FRMD6: variants seen among roughly 807,000 people sequenced by gnomAD.
FRMD6 encodes FERM domain containing 6.
A neutral mutation model predicts 73.2 loss-of-function variants in FRMD6; 37 were observed. The observed-to-expected ratio is 0.51, with a 90% CI of 0.39 to 0.66. The LOEUF (loss-of-function observed/expected upper bound fraction) is 0.66, where lower values mean the gene tolerates loss of function less well. Among genes scored for constraint, FRMD6 ranks in the 30% least tolerant of loss-of-function variants. FRMD6 has a pLI of 0.00. For synonymous variants in FRMD6, 273 were observed against 282.2 expected (o/e 0.97, Z 0.33); for missense variants, 714 against 780.5 (o/e 0.91, Z 1.02).
At chr14:51,456,572 G>C in the FRMD6 span, among the ~76,000 whole-genome samples, 6 of 152,024 alleles carry the variant, frequency 3.9e-5, no homozygotes, top group African/African-American at 1.4e-4. Flanking sequence ...TTTCTCTAAT[G>C]ACCAGTGATG....
chr14:51,639,367 G>A (rs1174702390), intron 2 of FRMD6, among the ~76,000 whole-genome samples: 1 of 151,806 alleles, frequency 6.6e-6, no homozygotes, highest in East Asian at 1.9e-4. Flanking sequence ...CCCGGTAGGC[G>A]GAGCTTGCAG....
chr14:51,661,320 C>T (rs1468909090), intron 1 of FRMD6, among the ~76,000 whole-genome samples: 1 of 151,956 alleles, frequency 6.6e-6, no homozygotes, highest in Admixed American at 6.6e-5. Context: ...ACACATAATC[C>T]AAGAAGTGTT....
At chr14:51,468,163 C>T in the FRMD6 span, among the ~76,000 whole-genome samples, 12 of 152,126 alleles carry the variant, frequency 7.9e-5, no homozygotes, top group East Asian at 1.9e-4. Flanking sequence ...TGGCGGCGCG[C>T]GCCTGCAATC....
Position 51,531,484 on chromosome 14 carries a change from G to A in FRMD6, c.-209-38864G>A, listed in dbSNP as rs188963640. Among the ~76,000 whole-genome samples, 11 of 152,272 alleles carry A rather than the reference G, an allele frequency of 7.2e-5. No homozygotes were observed. The East Asian group carries it at 2.1e-3, about 29-fold the overall frequency. ...CCACAAGGAGAAATGACAACTAAAT[G>A]CAATTTGGGACCCTGATAATCTGAA... On this transcript the variant is annotated intron_variant, in intron 1 of 14. Coordinates refer to the FRMD6 transcript ENST00000356218.
At chr14:51,558,902 T>C (rs1351168398) in intron 1 of FRMD6, among the ~76,000 whole-genome samples, 1 of 152,184 alleles carries the variant, frequency 6.6e-6, no homozygotes, top group African/African-American at 2.4e-5. Context: ...TGTACCACTC[T>C]TTGCCAAATT....
intron 1 of FRMD6, among the ~76,000 whole-genome samples, chr14:51,514,260 G>C (rs1290119604): frequency 2.0e-5 from 3 of 151,572 alleles, no homozygotes; most frequent in Admixed American, 2.0e-4. Context: ...TTTTTCAAAA[G>C]TGATTCTTCT....
chr14:51,640,107 G>C (rs939381707), intron 2 of FRMD6, among the ~76,000 whole-genome samples: 4 of 152,104 alleles, frequency 2.6e-5, no homozygotes, highest in African/African-American at 4.8e-5. Context: ...TACAGTTTTA[G>C]TTATTCCATT....
At chr14:51,537,541 A>G (rs79593525) in intron 1 of FRMD6, among the ~76,000 whole-genome samples, 2,841 of 152,340 alleles carry the variant, frequency 0.019, 49 homozygotes, top group South Asian at 0.077. Flanking sequence ...TTTCTGGATC[A>G]TATGATAAGA....
rs182280107 is a variant in FRMD6 at position 51,716,472 on chromosome 14, A to C, written c.1024+973A>C. Among the ~76,000 whole-genome samples the C allele has an allele frequency of 2.2e-4, 33 of 152,276 alleles. 1 individual carries two copies. The Middle Eastern group carries it at 0.017, about 78-fold the overall frequency. ...CATATTTTAGGTTCATGTCTGAGACAAGTTTTGACACCTCAGACCTCATCT... is the reference window on the plus strand; with the variant it reads ...CATATTTTAGGTTCATGTCTGAGACCAGTTTTGACACCTCAGACCTCATCT... On this transcript the variant is annotated intron_variant, in intron 10 of 13. Coordinates refer to ENST00000344768, the MANE Select transcript of FRMD6 (RefSeq NM_001267046.2).
intron 1 of FRMD6, among the ~76,000 whole-genome samples, chr14:51,557,564 T>C (rs1295627290): frequency 6.6e-6 from 1 of 152,104 alleles, no homozygotes; most frequent in Non-Finnish European, 1.5e-5. Context: ...CAATTTCAGT[T>C]AGACAGGAAA....
chr14:51,541,228 C>G (rs560294872), intron 1 of FRMD6, among the ~76,000 whole-genome samples: 1 of 152,162 alleles, frequency 6.6e-6, no homozygotes, highest in South Asian at 2.1e-4. Context: ...AAAAAATTTG[C>G]AAATTGTTAC....
At chr14:51,675,817 A>G (rs1894351634) in intron 1 of FRMD6, among the ~76,000 whole-genome samples, 1 of 151,954 alleles carries the variant, frequency 6.6e-6, no homozygotes, top group Non-Finnish European at 1.5e-5. Context: ...CCCACAGCAA[A>G]TGCTGCTGCT....
intron 1 of FRMD6, among the ~76,000 whole-genome samples, chr14:51,663,629 G>C (rs1893379037): frequency 6.6e-6 from 1 of 152,068 alleles, no homozygotes; most frequent in Admixed American, 6.6e-5. Flanking sequence ...GGAGGGAGAG[G>C]ATCAGGAAAA....
the FRMD6 span, among the ~76,000 whole-genome samples, chr14:51,412,728 T>G: frequency 1.3e-5 from 2 of 151,866 alleles, no homozygotes; most frequent in African/African-American, 4.8e-5. Context: ...GGTGGGCACC[T>G]GTAGTCCCAG....
At chr14:51,519,507 TGA>T (rs113397707) in intron 1 of FRMD6, among the ~76,000 whole-genome samples, 66 of 152,342 alleles carry the variant, frequency 4.3e-4, no homozygotes, top group African/African-American at 1.6e-3. Flanking sequence ...ATCAGTGTTC[TGA>T]GAGTTAGTTT....
intron 1 of FRMD6, among the ~76,000 whole-genome samples, chr14:51,528,833 A>C (rs2140322975): frequency 6.6e-6 from 1 of 152,304 alleles, no homozygotes; most frequent in South Asian, 2.1e-4. Flanking sequence ...CCAGTGCATC[A>C]AAGAGCTCCC....
chr14:51,715,630 T>C (rs1897197253), intron 10 of FRMD6, 131 bp downstream of exon 10: 1 of 639,746 alleles, frequency 1.6e-6, no homozygotes, highest in Admixed American at 3.3e-5. Context: ...AGAGCAGCAT[T>C]ACTATTTACA....
intron 1 of FRMD6, among the ~76,000 whole-genome samples, chr14:51,556,880 C>T (rs756635490): frequency 6.6e-5 from 10 of 152,172 alleles, no homozygotes; most frequent in Non-Finnish European, 1.3e-4. Context: ...AGATCTAAAT[C>T]TCTGACCTTT....
chr14:51,445,863 T>G, the FRMD6 span, among the ~76,000 whole-genome samples: 7 of 152,242 alleles, frequency 4.6e-5, no homozygotes, highest in Non-Finnish European at 1.0e-4. Flanking sequence ...TGTATTAAAT[T>G]ATTATGACAG....
Sources: allele counts gnomAD v4.1 joint callset (sites outside exome capture counted in the v4.1 genomes callset), GRCh38; gene constraint gnomAD v4.1.1; transcripts MANE v1.5; gene names NCBI Gene and HGNC (gene_info 2026-07-23, HGNC 2026-07-21).